The following TRPM3 variants were observed in gnomAD, a reference collection of about 807,000 sequenced individuals.
The protein encoded by TRPM3 is transient receptor potential cation channel subfamily M member 3, also known as long transient receptor potential channel 3.
Under a neutral mutation model 181.2 loss-of-function variants are expected in TRPM3, and 77 were observed. That is an observed-to-expected ratio of 0.42 (90% CI 0.35 to 0.51). The LOEUF is 0.51. Ranked by LOEUF, TRPM3 falls within the 20% of genes least tolerant of loss-of-function variation. The pLI is 0.01. For missense variants in TRPM3, 1,759 were observed against 2,196.7 expected (o/e 0.80, Z 3.98); for synonymous variants, 745 against 796.4 (o/e 0.94, Z 1.09).
intron 1 of TRPM3, among the ~76,000 whole-genome samples, chr9:71,156,668 A>G (rs1485328278): frequency 1.3e-5 from 2 of 152,096 alleles, no homozygotes; most frequent in African/African-American, 4.8e-5. Context: ...AAATCTACTT[A>G]TATTTCCTTA....
At chr9:70,599,594 G>A (rs541288829) in intron 20 of TRPM3, among the ~76,000 whole-genome samples, 12 of 152,178 alleles carry the variant, frequency 7.9e-5, no homozygotes, top group Non-Finnish European at 1.3e-4. Flanking sequence ...AAGTTTATTC[G>A]ATATTCAGGA....
chr9:70,859,647 C>T (rs1295339210), intron 3 of TRPM3, among the ~76,000 whole-genome samples: 1 of 152,160 alleles, frequency 6.6e-6, no homozygotes, highest in Non-Finnish European at 1.5e-5. Flanking sequence ...GAAGGATACA[C>T]ATTTTAATAA....
chr9:71,402,260 C>T (rs910213341), intron 1 of TRPM3, among the ~76,000 whole-genome samples: 2 of 152,112 alleles, frequency 1.3e-5, no homozygotes, highest in African/African-American at 4.8e-5. Context: ...AAAGGTGGCA[C>T]AAAATCTTGC....
intron 1 of TRPM3, among the ~76,000 whole-genome samples, chr9:70,925,124 CCCCT>C (rs1472744389): frequency 6.6e-6 from 1 of 152,166 alleles, no homozygotes; most frequent in East Asian, 1.9e-4. Context: ...GCCCTACCTG[CCCCT>C]TTCCAGCAGA....
At chr9:70,683,385 T>C (rs2065935471) in intron 8 of TRPM3, among the ~76,000 whole-genome samples, 1 of 149,768 alleles carries the variant, frequency 6.7e-6, no homozygotes, top group African/African-American at 2.5e-5. Flanking sequence ...ATGCCCAGCT[T>C]CCTTCCTTCC....
At chr9:71,228,539 T>C (rs756011116) in intron 1 of TRPM3, among the ~76,000 whole-genome samples, 5 of 152,162 alleles carry the variant, frequency 3.3e-5, no homozygotes, top group Non-Finnish European at 7.4e-5. Flanking sequence ...CAAATTATCC[T>C]TGTTTGCAGA....
At chr9:71,238,247 A>C (rs2081475276) in intron 1 of TRPM3, among the ~76,000 whole-genome samples, 1 of 152,096 alleles carries the variant, frequency 6.6e-6, no homozygotes, top group Admixed American at 6.6e-5. Flanking sequence ...AAGGCCTGTC[A>C]GAGGTGATGC....
At chr9:71,149,819 C>G (rs111807784) in intron 1 of TRPM3, among the ~76,000 whole-genome samples, 2,496 of 151,852 alleles carry the variant, frequency 0.016, 38 homozygotes, top group East Asian at 0.074. Context: ...CAACCATTAG[C>G]TGAGTGTGGT....
intron 1 of TRPM3, among the ~76,000 whole-genome samples, chr9:71,133,994 T>C (rs1587564360): frequency 7.0e-6 from 1 of 143,816 alleles, no homozygotes; most frequent in Non-Finnish European, 1.5e-5. Context: ...TGTGTGTGTG[T>C]GTGTGTGTGT....
At chr9:71,329,157 C>T (rs1407691823) in intron 1 of TRPM3, among the ~76,000 whole-genome samples, 1 of 152,216 alleles carries the variant, frequency 6.6e-6, no homozygotes, top group Non-Finnish European at 1.5e-5. Context: ...GGCTTTGCAG[C>T]ACACATAACA....
At position 71,355,212 on chromosome 9, in the gene TRPM3, T is replaced by C. The variant is rs144491592; in HGVS notation, c.183+91441A>G. 9.5e-4 allele frequency among the ~76,000 whole-genome samples: 144 copies of C among 152,322 alleles called. 1 individual carries two copies. Among genetic ancestry groups the C allele is most frequent in the South Asian group, 6.0e-3 (29 of 4,826 alleles). On this transcript the variant is annotated intron_variant, in intron 1 of 24. Transcript: ENST00000357533. ...CAAAAAGATATGTCCAGGTCCTAAC[T>C]CCTGGTATCTGTCAATGTGAGCTTA...
At chr9:70,588,930 C>T (rs2057634090) in intron 22 of TRPM3, among the ~76,000 whole-genome samples, 1 of 152,202 alleles carries the variant, frequency 6.6e-6, no homozygotes, top group Non-Finnish European at 1.5e-5. Flanking sequence ...GACAAATACT[C>T]ACTAGCACTA....
chr9:70,677,040 A>G (rs1025807712), intron 9 of TRPM3, among the ~76,000 whole-genome samples: 3 of 149,834 alleles, frequency 2.0e-5, no homozygotes, highest in African/African-American at 7.4e-5. Flanking sequence ...TCACACCTGG[A>G]AGCAAGTAAG....
At position 70,979,970 on chromosome 9, in the gene TRPM3, C is replaced by A. The variant is rs555704202; in HGVS notation, c.178-115459G>T. Among the ~76,000 whole-genome samples the A allele has an allele frequency of 5.9e-5, 9 of 151,620 alleles. No individual in the cohort carries two copies. In the South Asian group the frequency reaches 1.9e-3, roughly 32 times the overall value. On this transcript the variant is annotated intron_variant, in intron 1 of 25. Transcript: ENST00000677713. ...TTAGCCTTAATGATCTCGTAAAGAC[C>A]CTATTTCCAGCTGGCCACATTAGGG...
chr9:70,686,690 C>CTTCT (rs1563994365), intron 8 of TRPM3, among the ~76,000 whole-genome samples: 32 of 40,478 alleles, frequency 7.9e-4, no homozygotes, highest in African/African-American at 2.8e-3. Context: ...TCCTTCTTTC[C>CTTCT]TTCCTTCCTT....
intron 1 of TRPM3, among the ~76,000 whole-genome samples, chr9:71,011,987 T>C (rs2097748539): frequency 6.6e-6 from 1 of 152,130 alleles, no homozygotes; most frequent in Non-Finnish European, 1.5e-5. Flanking sequence ...TTTGCCATGT[T>C]GCCCAGGTTG....
chr9:71,337,453 T>C (rs1177869538), intron 1 of TRPM3, among the ~76,000 whole-genome samples: 8 of 152,200 alleles, frequency 5.3e-5, no homozygotes, highest in African/African-American at 1.9e-4. Flanking sequence ...TGTAGAGAAA[T>C]AGGAACGCTT....
intron 1 of TRPM3, among the ~76,000 whole-genome samples, chr9:71,383,775 A>G (rs2092861141): frequency 1.3e-5 from 2 of 152,248 alleles, no homozygotes; most frequent in South Asian, 4.1e-4. Flanking sequence ...GCATCTGCCC[A>G]TGAAACAAAA....
chr9:70,967,927 T>C (rs1228947382), intron 1 of TRPM3, among the ~76,000 whole-genome samples: 1 of 152,134 alleles, frequency 6.6e-6, no homozygotes, highest in Non-Finnish European at 1.5e-5. Context: ...GGAATTATTA[T>C]CTCCATTTTA....
Sources: gnomAD v4.1 joint callset for allele counts (sites outside exome capture counted in the v4.1 genomes callset) on GRCh38, gnomAD v4.1.1 for gene constraint, MANE v1.5 for transcripts, NCBI Gene and HGNC (gene_info 2026-07-23, HGNC 2026-07-21) for gene names.